Variants in PRDM16 observed in about 807,000 individuals in gnomAD.
PRDM16 encodes the protein PR/SET domain 16.
Under a neutral mutation model 110.6 loss-of-function variants are expected in PRDM16, and 23 were observed. The observed-to-expected ratio is 0.21, with a 90% CI of 0.15 to 0.29. The LOEUF (loss-of-function observed/expected upper bound fraction) is 0.29, where lower values mean the gene tolerates loss of function less well. PRDM16 is among the 10% of genes least tolerant of loss of function. PRDM16 has a pLI of 1.00. For missense variants in PRDM16, 1,615 were observed against 1,794.3 expected (o/e 0.90, Z 1.81); for synonymous variants, 799 against 781.8 (o/e 1.02, Z -0.37).
chr1:3,186,595 A>G, intron 2 of PRDM16, 121 bp downstream of exon 2: 1 of 632,272 alleles, frequency 1.6e-6, no homozygotes, highest in East Asian at 2.9e-5. Flanking sequence ...AGAGCGTTCA[A>G]ATGTCACATT....
chr1:3,424,823 C>A (rs1259914844), intron 12 of PRDM16: 1 of 146,516 alleles, frequency 6.8e-6, no homozygotes, highest in African/African-American at 2.5e-5. Context: ...TGTGGAGCCC[C>A]TCCGGCTGGG....
At chr1:3,286,259 T>C (rs991456653) in intron 3 of PRDM16, among the ~76,000 whole-genome samples, 7 of 152,220 alleles carry the variant, frequency 4.6e-5, no homozygotes, top group African/African-American at 1.7e-4. Flanking sequence ...GTGTGGGTAA[T>C]GGGAAGCACG....
intron 1 of PRDM16, among the ~76,000 whole-genome samples, chr1:3,078,957 T>G (rs1264745896): frequency 6.6e-6 from 1 of 152,192 alleles, no homozygotes; most frequent in Non-Finnish European, 1.5e-5. Context: ...GAGAGGCTGG[T>G]CATATCAGTC....
At chr1:3,125,180 C>A (rs1273172815) in intron 1 of PRDM16, among the ~76,000 whole-genome samples, 2 of 152,284 alleles carry the variant, frequency 1.3e-5, no homozygotes, top group Non-Finnish European at 2.9e-5. Context: ...CGCAGCTGCA[C>A]CTCCTTGAGA....
At chr1:3,391,465 T>C (rs1375703930) in intron 4 of PRDM16, among the ~76,000 whole-genome samples, 1 of 152,226 alleles carries the variant, frequency 6.6e-6, no homozygotes, top group Non-Finnish European at 1.5e-5. Context: ...CTCACTTTAC[T>C]AGACGAAGCT....
At chr1:3,298,990 G>A (rs1309515993) in intron 3 of PRDM16, among the ~76,000 whole-genome samples, 3 of 152,242 alleles carry the variant, frequency 2.0e-5, no homozygotes, top group African/African-American at 4.8e-5. Flanking sequence ...CTGACCTACA[G>A]GATCCGTAAA....
chr1:3,200,111 A>T (rs892651597), intron 2 of PRDM16, among the ~76,000 whole-genome samples: 1 of 152,242 alleles, frequency 6.6e-6, no homozygotes, highest in Admixed American at 6.5e-5. Context: ...GCTGAGGCTC[A>T]CCTGTCTTTC....
intron 3 of PRDM16, among the ~76,000 whole-genome samples, chr1:3,326,779 C>A (rs1641921789): frequency 6.6e-6 from 1 of 152,256 alleles, no homozygotes; most frequent in Non-Finnish European, 1.5e-5. Flanking sequence ...CCAAGCCCCC[C>A]ACCAGCCGCC....
At chr1:3,399,764 G>A (rs1477212460) in intron 5 of PRDM16, among the ~76,000 whole-genome samples, 3 of 152,198 alleles carry the variant, frequency 2.0e-5, no homozygotes, top group East Asian at 1.9e-4. Flanking sequence ...GGGTGGGGTT[G>A]GCATTTCTTC....
intron 3 of PRDM16, among the ~76,000 whole-genome samples, chr1:3,347,369 C>G (rs1314148055): frequency 6.6e-6 from 1 of 152,240 alleles, no homozygotes; most frequent in African/African-American, 2.4e-5. Context: ...GCCACTGGCT[C>G]CCTGGCATTG....
chr1:3,321,753 ATG>A lies in PRDM16; in HGVS notation c.439-63393_439-63392del, dbSNP rs916195198. On this transcript the variant is annotated intron_variant, in intron 3 of 16. Coordinates refer to ENST00000270722, the MANE Select transcript of PRDM16 (RefSeq NM_022114.4). Reference sequence around the variant, plus strand: ...GACGTACATGTGTGCGGTGTGCACAATGTGTGTTTGTGTATGTGTGCACGTGT... The same window carrying A: ...GACGTACATGTGTGCGGTGTGCACAATGTGTTTGTGTATGTGTGCACGTGT... 9.5e-5 allele frequency among the ~76,000 whole-genome samples: 14 copies of A among 146,780 alleles called. No individual in the cohort carries two copies. In the East Asian group the frequency reaches 2.3e-3, roughly 24 times the overall value.
chr1:3,190,347 C>T lies in PRDM16; in HGVS notation c.387+3873C>T, dbSNP rs1255295400. ...GCAACGCAGGAATGAGGCTGGGGGT[C>T]GGGAGCTGAGTTTCCTCCGGCCTCA... On this transcript the variant is annotated intron_variant, in intron 2 of 16. Transcript: ENST00000270722. The surrounding 1 kb of genome is among the most constrained non-coding windows in gnomAD (Gnocchi z 5.0). Among the ~76,000 whole-genome samples the T allele has an allele frequency of 2.0e-5, 3 of 152,186 alleles. No individual in the cohort carries two copies. Among genetic ancestry groups the T allele is most frequent in the South Asian group, 4.1e-4 (2 of 4,832 alleles).
rs574031224 is a variant in PRDM16 at position 3,264,273 on chromosome 1, G to A, written c.438+20136G>A. Among the ~76,000 whole-genome samples, 19 of 152,322 alleles carry A rather than the reference G, an allele frequency of 1.2e-4. No homozygotes were observed. The South Asian group carries it at 3.9e-3, about 32-fold the overall frequency. On this transcript the variant is annotated intron_variant, in intron 3 of 16. Coordinates refer to ENST00000270722, the MANE Select transcript of PRDM16 (RefSeq NM_022114.4). The stretch of plus-strand genomic sequence containing the variant: ...ATGAGGCTGAGCCGGAGCAGGATAT[G>A]GAGCAGAGCTGAGCCTTCCAGGTGG...
chr1:3,170,435 C>G (rs1325827491), intron 1 of PRDM16, among the ~76,000 whole-genome samples: 1 of 152,278 alleles, frequency 6.6e-6, no homozygotes, highest in Admixed American at 6.5e-5. Context: ...AATTAGGGAG[C>G]AGAGCCGAGT....
rs1461037731 is a variant in PRDM16 at position 3,402,795 on chromosome 1, G to A, written c.681G>A (p.Glu227=). 1 of 1,610,592 alleles carries A rather than the reference G, an allele frequency of 6.2e-7. No individual in the cohort carries two copies. The highest frequency in any genetic ancestry group is 2.2e-5 in the East Asian group (1 of 44,772). The part of the protein sequence containing the change: ...LGTVPPGLDE[E]PTFRCDECDE... ...ACCTCGTTCTCTCTCTTGCAGAGGA[G>A]CCCACGTTCCGCTGTGACGAGTGTG... The change falls in exon 6 of 17, where the codon GAG becomes GAA. Residue 227 remains glutamate (E), a synonymous_variant. Transcript: ENST00000270722.
intron 15 of PRDM16, 49 bp downstream of exon 15, chr1:3,431,157 G>A (rs371928892): frequency 7.0e-5 from 107 of 1,530,926 alleles, no homozygotes; most frequent in African/African-American, 5.5e-5. Flanking sequence ...GAACGTGGGC[G>A]TCCATCACGA....
chr1:3,380,101 C>A (rs1189225627), intron 3 of PRDM16, among the ~76,000 whole-genome samples: 2 of 150,260 alleles, frequency 1.3e-5, no homozygotes, highest in Non-Finnish European at 3.0e-5. Context: ...CCCCTCCCAA[C>A]ACATCCCCTC....
At chr1:3,318,110 A>T (rs973125968) in intron 3 of PRDM16, among the ~76,000 whole-genome samples, 4 of 152,148 alleles carry the variant, frequency 2.6e-5, no homozygotes, top group Admixed American at 2.6e-4. Context: ...GCCGGAGTTG[A>T]TTGAAGAAAA....
intron 1 of PRDM16, among the ~76,000 whole-genome samples, chr1:3,156,107 G>A (rs1397712134): frequency 6.6e-6 from 1 of 152,158 alleles, no homozygotes; most frequent in Non-Finnish European, 1.5e-5. Context: ...AAAGACAGAG[G>A]AGATGACAAA....
Sources: gnomAD v4.1 joint callset for allele counts (sites outside exome capture counted in the v4.1 genomes callset) on GRCh38, gnomAD v4.1.1 for gene constraint, Gnocchi (gnomAD v3.1) non-coding constraint, MANE v1.5 for transcripts, NCBI Gene and HGNC (gene_info 2026-07-23, HGNC 2026-07-21) for gene names.